RFX2: variants seen among roughly 807,000 people sequenced by gnomAD.
RFX2 encodes the protein regulatory factor X2.
RFX2 carries 20 observed loss-of-function variants against 87.8 expected under a neutral mutation model. The ratio of observed to expected loss-of-function variants is 0.23; its 90% CI spans 0.16 to 0.33. The LOEUF is 0.33. RFX2 is among the 10% of genes least tolerant of loss of function. RFX2 has a pLI of 1.00. For missense variants in RFX2, 767 were observed against 1,012.3 expected (o/e 0.76, Z 3.29); for synonymous variants, 397 against 431.3 (o/e 0.92, Z 0.98).
At chr19:6,096,773 A>G (rs2088035316) in intron 1 of RFX2, among the ~76,000 whole-genome samples, 1 of 152,200 alleles carries the variant, frequency 6.6e-6, no homozygotes, top group African/African-American at 2.4e-5. Flanking sequence ...ATCATGTTGC[A>G]TTAATAAAAT....
intron 12 of RFX2, among the ~76,000 whole-genome samples, chr19:6,005,783 T>G (rs908693051): frequency 1.3e-5 from 2 of 152,158 alleles, no homozygotes; most frequent in African/African-American, 2.4e-5. Context: ...TGTCCCAGCT[T>G]CTTCTTCTGA....
chr19:6,108,862 T>A (rs2088262482), intron 1 of RFX2, among the ~76,000 whole-genome samples: 1 of 151,814 alleles, frequency 6.6e-6, no homozygotes, highest in South Asian at 2.1e-4. Context: ...TCGGGGGCCC[T>A]TGAAATAGCC....
intron 1 of RFX2, among the ~76,000 whole-genome samples, chr19:6,078,902 A>G (rs2087734766): frequency 6.6e-6 from 1 of 152,168 alleles, no homozygotes; most frequent in Non-Finnish European, 1.5e-5. Context: ...CAGCCTCCCA[A>G]GTAGCTGGGA....
intron 1 of RFX2, chr19:6,073,403 A>C: frequency 9.2e-7 from 1 of 1,082,928 alleles, no homozygotes; most frequent in Non-Finnish European, 1.4e-6. Flanking sequence ...GATGTGCAAC[A>C]AATCTCCCTG....
intron 1 of RFX2, among the ~76,000 whole-genome samples, chr19:6,106,643 C>G (rs551975194): frequency 1.3e-5 from 2 of 152,248 alleles, no homozygotes; most frequent in Admixed American, 6.5e-5. Context: ...GACTCGCATT[C>G]TCCTCCCCTG....
intron 1 of RFX2, among the ~76,000 whole-genome samples, chr19:6,054,247 T>G (rs2087301750): frequency 1.3e-5 from 2 of 152,060 alleles, no homozygotes; most frequent in South Asian, 4.1e-4. Flanking sequence ...AAAAATTGAA[T>G]ATGTTATTGG....
intron 3 of RFX2, among the ~76,000 whole-genome samples, chr19:6,042,948 G>A (rs148842972): frequency 5.9e-5 from 9 of 152,312 alleles, no homozygotes; most frequent in East Asian, 1.9e-4. Context: ...GGGCTTGTTC[G>A]GGTGTCATGG....
rs1368101756 is a variant in RFX2, at chr19:6,083,447, G to C, written c.-9+26946C>G. On this transcript the variant is annotated intron_variant, in intron 1 of 17. Transcript: ENST00000303657. The surrounding 1 kb of genome is among the most constrained non-coding windows in gnomAD (Gnocchi z 4.6). ...CATGTGTCACAAAATATTTTGTCTTGTTTCCAATCATTTAAAAACGCAAAA... is the reference window on the plus strand; with the variant it reads ...CATGTGTCACAAAATATTTTGTCTTCTTTCCAATCATTTAAAAACGCAAAA... Among the ~76,000 whole-genome samples, 1 of 150,494 alleles carries C rather than the reference G, an allele frequency of 6.6e-6. No individual in the cohort carries two copies. The highest frequency in any genetic ancestry group is 1.5e-5 in the Non-Finnish European group (1 of 67,830).
intron 1 of RFX2, among the ~76,000 whole-genome samples, chr19:6,108,306 T>C (rs1211120286): frequency 6.6e-6 from 1 of 152,168 alleles, no homozygotes; most frequent in Non-Finnish European, 1.5e-5. Flanking sequence ...CTAAGGTTAT[T>C]TTAGAGTCAG....
At chr19:6,005,996 C>A (rs1568501466) in intron 12 of RFX2, among the ~76,000 whole-genome samples, 1 of 152,240 alleles carries the variant, frequency 6.6e-6, no homozygotes, top group Non-Finnish European at 1.5e-5. Context: ...CCTGCATGCC[C>A]CCAGTGAACC....
chr19:6,082,294 A>C (rs1599917637), intron 1 of RFX2, among the ~76,000 whole-genome samples: 1 of 33,440 alleles, frequency 3.0e-5, no homozygotes, highest in Non-Finnish European at 5.6e-5. Flanking sequence ...ACCCTGTCTC[A>C]AAAAAAAAAA....
rs1435901452 is a variant in RFX2 at position 6,008,057 on chromosome 19, T to C, written c.1134+49A>G. On this transcript the variant is annotated intron_variant, in intron 10 of 17. Transcript: ENST00000303657. Reference sequence around the variant, plus strand: ...GGACGCCTGGCCTGAGCGCTGGCGGTTCCCGGGAGGGACACGCAGGAGCTG... The same window carrying C: ...GGACGCCTGGCCTGAGCGCTGGCGGCTCCCGGGAGGGACACGCAGGAGCTG... The C allele has an allele frequency of 2.2e-6, 3 of 1,390,510 alleles. No homozygotes were observed. In the Admixed American group the frequency reaches 5.9e-5, roughly 27 times the overall value. The allele number at this position is 1,390,510 out of a possible 1,614,324, so 86.1% of individuals were successfully genotyped here.
In RFX2 at chr19:6,007,107, C is replaced by T. The variant is rs1305858481; in HGVS notation, c.1307G>A (p.Cys436Tyr). 1 of 1,614,012 alleles carries T rather than the reference C, an allele frequency of 6.2e-7. No homozygotes were observed. The highest frequency in any genetic ancestry group is 8.5e-7 in the Non-Finnish European group (1 of 1,180,026). ...PKDKLISLCQ[C>Y]DPILRWMRSC... ...CCTCATCCACCTGAGGATGGGGTCG[C>T]ACTGACACAGGGAGATAAGCTTGTC... The change falls in exon 12 of 18, where the codon TGC becomes TAC. Residue 436 changes from cysteine to tyrosine, a missense_variant. Coordinates refer to ENST00000303657, the MANE Select transcript of RFX2 (RefSeq NM_000635.4). The surrounding 1 kb of genome is among the most constrained non-coding windows in gnomAD (Gnocchi z 8.2).
Position 6,047,613 on chromosome 19 carries a change from A to T in RFX2, c.-8-109T>A. 1 of 865,040 alleles carries T rather than the reference A, an allele frequency of 1.2e-6. No individual in the cohort carries two copies. Among genetic ancestry groups the T allele is most frequent in the South Asian group, 1.5e-5 (1 of 68,420 alleles). The allele number at this position is 865,040 out of a possible 1,614,324, so 53.6% of individuals were successfully genotyped here. ...GAAGGAGTAACCAGCTACATTCTTC[A>T]AAGTCGAAAGGCAGAGACCCTGGTG... On this transcript the variant is annotated intron_variant, in intron 1 of 17. Coordinates refer to ENST00000303657, the MANE Select transcript of RFX2 (RefSeq NM_000635.4). The surrounding 1 kb of genome is among the most constrained non-coding windows in gnomAD (Gnocchi z 4.2).
At chr19:6,015,397 C>A (rs2086711091) in intron 7 of RFX2, among the ~76,000 whole-genome samples, 2 of 151,962 alleles carry the variant, frequency 1.3e-5, no homozygotes, top group South Asian at 2.1e-4. Context: ...CCACTGCACT[C>A]CAGCCTGGGT....
At chr19:6,058,640 A>G (rs1392854293) in intron 1 of RFX2, among the ~76,000 whole-genome samples, 1 of 151,850 alleles carries the variant, frequency 6.6e-6, no homozygotes, top group Non-Finnish European at 1.5e-5. Flanking sequence ...GCTTTCAAGG[A>G]CTGGAGCTGG....
In RFX2 at chr19:6,026,253, G is replaced by A. The variant is rs768646866; in HGVS notation, c.523-16C>T. The A allele has an allele frequency of 6.3e-7, 1 of 1,599,750 alleles. No individual in the cohort carries two copies. The highest frequency in any genetic ancestry group is 8.5e-7 in the Non-Finnish European group (1 of 1,171,780). On this transcript the variant is annotated splice_polypyrimidine_tract_variant and intron_variant, in intron 5 of 17. Transcript: ENST00000303657. The surrounding 1 kb of genome is among the most constrained non-coding windows in gnomAD (Gnocchi z 4.5). ...CCATTTCAAGCTAAAGAAAATGTGTGCAGAAACAAAACAAAACAAAATGGA... is the reference window on the plus strand; with the variant it reads ...CCATTTCAAGCTAAAGAAAATGTGTACAGAAACAAAACAAAACAAAATGGA...
chr19:6,098,801 G>A (rs182860845), intron 1 of RFX2, among the ~76,000 whole-genome samples: 1 of 152,170 alleles, frequency 6.6e-6, no homozygotes, highest in East Asian at 1.9e-4. Flanking sequence ...TTAAGAAAGG[G>A]AGCCAAGGTT....
At position 6,021,011 on chromosome 19, in the gene RFX2, C is replaced by A. The variant is rs1181507991; in HGVS notation, c.598-4740G>T. Among the ~76,000 whole-genome samples, 2 of 152,186 alleles carry A rather than the reference C, an allele frequency of 1.3e-5. No individual in the cohort carries two copies. The highest frequency in any genetic ancestry group is 1.3e-4 in the Admixed American group (2 of 15,286). On this transcript the variant is annotated intron_variant, in intron 6 of 17. Transcript: ENST00000303657. This position sits in a 1 kb window ranked among gnomAD's most constrained non-coding sequence, Gnocchi z 5.7. The stretch of plus-strand genomic sequence containing the variant: ...GTTCTGGGCTCTTTGCAGGCACAGC[C>A]CCTGTGGACAGATATCCTCACCTGC...
Sources: allele counts gnomAD v4.1 joint callset (sites outside exome capture counted in the v4.1 genomes callset), GRCh38; gene constraint gnomAD v4.1.1; non-coding constraint Gnocchi (gnomAD v3.1); transcripts MANE v1.5; gene names NCBI Gene and HGNC (gene_info 2026-07-23, HGNC 2026-07-21).